The following CDHR2 variants were observed in gnomAD, a reference collection of about 807,000 sequenced individuals.
CDHR2 encodes the protein cadherin-related family member 2.
A neutral mutation model predicts 138.6 loss-of-function variants in CDHR2; 104 were observed. The observed-to-expected ratio is 0.75, with a 90% CI of 0.64 to 0.88. The LOEUF is 0.88. Ranked by LOEUF, CDHR2 falls within the 40% of genes least tolerant of loss-of-function variation. CDHR2 has a pLI of 0.00. For synonymous variants in CDHR2, 755 were observed against 742.8 expected (o/e 1.02, Z -0.27); for missense variants, 1,624 against 1,727.6 (o/e 0.94, Z 1.06).
intron 10 of CDHR2, 22 bp from the exon 11 acceptor site, chr5:176,575,702 G>A (rs750300800): frequency 1.3e-6 from 2 of 1,592,090 alleles, no homozygotes; most frequent in Non-Finnish European, 1.7e-6. Context: ...TGTTCCAGCT[G>A]TTCCGCCTTT....
chr5:176,578,434 G>A lies in CDHR2; in HGVS notation c.1644G>A (p.Arg548=), dbSNP rs376494714. Reference sequence around the variant, plus strand: ...TGAGGAACGGTGAGCTGCTGGACCGGGAGAGCCAGGCCGTGTACTACCTGA... The same window carrying A: ...TGAGGAACGGTGAGCTGCTGGACCGAGAGAGCCAGGCCGTGTACTACCTGA... ...VTVRNGELLD[R]ESQAVYYLTL... is the part of the protein sequence containing the mutation. Residue 548 remains arginine, a synonymous_variant, in exon 16 of 32, where the codon CGG becomes CGA. Transcript: ENST00000261944. 2.4e-5 allele frequency: 38 copies of A among 1,613,980 alleles called. No individual in the cohort carries two copies. The highest frequency in any genetic ancestry group is 3.0e-5 in the Non-Finnish European group (35 of 1,180,028).
At chr5:176,580,969 G>A (rs1235744534) in intron 16 of CDHR2, among the ~76,000 whole-genome samples, 2 of 134,948 alleles carry the variant, frequency 1.5e-5, no homozygotes, top group Non-Finnish European at 3.2e-5. Context: ...ACACTTATGA[G>A]TTTAAAACTT....
Position 176,568,814 on chromosome 5 carries a change from C to G in CDHR2, c.261C>G (p.Tyr87Ter). 1 of 1,614,106 alleles carries G rather than the reference C, an allele frequency of 6.2e-7. No individual in the cohort carries two copies. The highest frequency in any genetic ancestry group is 8.5e-7 in the Non-Finnish European group (1 of 1,179,982). ...TGAAGCTGGCCAGCGCTCTGGACTA[C>G]GAGGTAAAGAGCATCAGCCGGAGAG... ...GEVKLASALDYETLYTFKVTI... is the reference protein window; with the variant it reads ...GEVKLASALD Residue 87 changes from tyrosine to a stop codon, truncating the protein, a stop_gained, in exon 4 of 32, where the codon TAC (tyrosine) becomes TAG (stop). Coordinates refer to ENST00000261944, the MANE Select transcript of CDHR2 (RefSeq NM_017675.6). LOFTEE classifies it high-confidence loss of function.
exon 1 of CDHR2, chr5:176,542,725 A>T (rs1227586893): frequency 6.6e-6 from 1 of 152,210 alleles, no homozygotes; most frequent in Non-Finnish European, 1.5e-5. Context: ...TGGGCAAGAC[A>T]CGGACTCTCT....
Position 176,575,420 on chromosome 5 carries a change from A to T in CDHR2, c.762A>T (p.Ala254=). The T allele has an allele frequency of 1.2e-6, 2 of 1,614,202 alleles. No individual in the cohort carries two copies. Among genetic ancestry groups the T allele is most frequent in the Non-Finnish European group, 8.5e-7 (1 of 1,180,028 alleles). Residue 254 remains alanine, a synonymous_variant, in exon 9 of 32, where the codon GCA becomes GCT. Transcript: ENST00000261944. ...EFYSASVAED[A]AKGTSVLTVE... ...ACTCGGCCTCTGTGGCTGAGGATGC[A>T]GCCAAGGTGCACGGGGGACCTGTGG...
chr5:176,548,719 G>T (rs141104079), upstream of CDHR2, among the ~76,000 whole-genome samples: 1,020 of 152,114 alleles, frequency 6.7e-3, 6 homozygotes, highest in African/African-American at 0.023. Context: ...CTCCAGCCTG[G>T]GTGACAGAGC....
chr5:176,563,247 C>G (rs1324017095), intron 1 of CDHR2, among the ~76,000 whole-genome samples: 3 of 152,134 alleles, frequency 2.0e-5, no homozygotes, highest in Non-Finnish European at 4.4e-5. Context: ...ACTCGGGAGG[C>G]TGAGGCAGGA....
At chr5:176,558,177 A>G (rs983396431) in intron 1 of CDHR2, among the ~76,000 whole-genome samples, 3 of 150,212 alleles carry the variant, frequency 2.0e-5, no homozygotes, top group Admixed American at 6.6e-5. Context: ...CCTTTCCTGC[A>G]TGGTCACTGG....
At chr5:176,592,102 G>GTGGTGA (rs1392432926) in intron 30 of CDHR2, among the ~76,000 whole-genome samples, 1 of 114,090 alleles carries the variant, frequency 8.8e-6, no homozygotes, top group Non-Finnish European at 2.1e-5. Flanking sequence ...GGTGATGGTG[G>GTGGTGA]TGGTGATGGT....
At chr5:176,567,947 T>C (rs1758120879) in intron 3 of CDHR2, among the ~76,000 whole-genome samples, 1 of 152,230 alleles carries the variant, frequency 6.6e-6, no homozygotes, top group Non-Finnish European at 1.5e-5. Flanking sequence ...TTAAAAGAAA[T>C]GCAACTTTCT....
In CDHR2 at chr5:176,584,984, G is replaced by A. The variant is rs753338971; in HGVS notation, c.2703G>A (p.Thr901=). Residue 901 remains threonine, a synonymous_variant, in exon 19 of 32, where the codon ACG becomes ACA. Coordinates refer to ENST00000261944, the MANE Select transcript of CDHR2 (RefSeq NM_017675.6). The part of the protein sequence containing the change: ...TLVVRACDLA[T]DPGFQAYSNN... ...TTGTGCGGGCCTGTGACCTAGCCACGGACCCCGGCTTCCAGGCCTACAGCA... is the reference window on the plus strand; with the variant it reads ...TTGTGCGGGCCTGTGACCTAGCCACAGACCCCGGCTTCCAGGCCTACAGCA... The A allele has an allele frequency of 2.5e-5, 39 of 1,550,222 alleles. No individual in the cohort carries two copies. The highest frequency in any genetic ancestry group is 2.0e-4 in the South Asian group (17 of 85,128).
At chr5:176,574,261 G>C (rs1758306379) in intron 7 of CDHR2, 89 bp downstream of exon 7, 1 of 988,378 alleles carries the variant, frequency 1.0e-6, no homozygotes, top group African/African-American at 1.6e-5. Context: ...CGTTGGGGTG[G>C]GGACATTGGT....
rs986931277 is a variant in CDHR2 at position 176,584,253 on chromosome 5, G to A, written c.2122G>A (p.Asp708Asn). The A allele has an allele frequency of 6.2e-7, 1 of 1,614,054 alleles. No homozygotes were observed. The highest frequency in any genetic ancestry group is 8.5e-7 in the Non-Finnish European group (1 of 1,179,918). The change falls in exon 18 of 32, where the codon GAT becomes AAT. Residue 708 changes from aspartate to asparagine, a missense_variant. Asp to Asn is a conservative substitution (Grantham distance 23). Transcript: ENST00000261944. ...SSYNFTVKEE[D>N]PGVLVGVVKA... is the part of the protein sequence containing the mutation. Reference sequence around the variant, plus strand: ...CTACAACTTTACGGTGAAGGAGGAGGATCCAGGTATGTGCTCCCTGGGCCA... The same window carrying A: ...CTACAACTTTACGGTGAAGGAGGAGAATCCAGGTATGTGCTCCCTGGGCCA...
At chr5:176,595,127 G>A (rs1758990125) in intron 31 of CDHR2, among the ~76,000 whole-genome samples, 1 of 152,220 alleles carries the variant, frequency 6.6e-6, no homozygotes, top group African/African-American at 2.4e-5. Flanking sequence ...CTCCCTCAGA[G>A]GGTTTCAGTG....
At chr5:176,544,080 T>G (rs1431605213) in intron 1 of CDHR2, among the ~76,000 whole-genome samples, 2 of 152,262 alleles carry the variant, frequency 1.3e-5, no homozygotes, top group Non-Finnish European at 2.9e-5. Flanking sequence ...GTGGTGGTAG[T>G]CCCTGCAGAC....
In CDHR2 at chr5:176,573,345, A is replaced by G. The variant is rs572933817; in HGVS notation, c.406-738A>G. ...AAAGATCTCTGTGGCCACCATTAGG[A>G]AGTATAGGTCGTGGCTGGGCACGGT... On this transcript the variant is annotated intron_variant, in intron 6 of 31. Transcript: ENST00000261944. Among the ~76,000 whole-genome samples the G allele has an allele frequency of 3.3e-5, 5 of 152,136 alleles. No homozygotes were observed. The South Asian group carries it at 1.0e-3, about 32-fold the overall frequency.
intron 1 of CDHR2, among the ~76,000 whole-genome samples, chr5:176,557,560 ATT>A (rs5873538): frequency 0.017 from 1,524 of 87,352 alleles, 31 homozygotes; most frequent in African/African-American, 0.065. Context: ...ACCTTCTTAG[ATT>A]TTTTTTTTTT....
At chr5:176,575,629 G>A in intron 10 of CDHR2, 48 bp downstream of exon 10, 2 of 1,606,640 alleles carry the variant, frequency 1.2e-6, no homozygotes, top group Non-Finnish European at 1.7e-6. Flanking sequence ...GGCCAGGGTG[G>A]GGTCTCCGTC....
intron 31 of CDHR2, among the ~76,000 whole-genome samples, chr5:176,593,096 C>T (rs1220857935): frequency 6.6e-6 from 1 of 152,224 alleles, no homozygotes; most frequent in Admixed American, 6.5e-5. Flanking sequence ...CAAACAAGTG[C>T]TCACCAATCT....
Sources: gnomAD v4.1 joint callset for allele counts (sites outside exome capture counted in the v4.1 genomes callset) on GRCh38, gnomAD v4.1.1 for gene constraint, MANE v1.5 for transcripts, NCBI Gene and HGNC (gene_info 2026-07-23, HGNC 2026-07-21) for gene names.